The following ZNF385D variants were observed in gnomAD, a reference collection of about 807,000 sequenced individuals.
The protein encoded by ZNF385D is zinc finger protein 659.
Under a neutral mutation model 35.8 loss-of-function variants are expected in ZNF385D, and 15 were observed. The observed-to-expected ratio is 0.42, with a 90% CI of 0.28 to 0.64. ZNF385D has a LOEUF of 0.64. ZNF385D is among the 30% of genes least tolerant of loss of function. The probability of loss-of-function intolerance (pLI) is 0.23; values close to 1 mark genes in which losing one functional copy is unlikely to be tolerated. For missense variants in ZNF385D, 474 were observed against 494.6 expected, an observed-to-expected ratio of 0.96 and a Z score of 0.39; for synonymous variants, 212 against 186.8, an observed-to-expected ratio of 1.13 and a Z score of -1.10.
At chr3:22,340,722 C>T (rs1238473177) in intron 2 of ZNF385D, among the ~76,000 whole-genome samples, 1 of 152,146 alleles carries the variant, frequency 6.6e-6, no homozygotes, top group Non-Finnish European at 1.5e-5. Flanking sequence ...ATAGGACCCA[C>T]CTTCCTAGTG....
At chr3:22,280,639 A>G (rs1396657607) in intron 2 of ZNF385D, among the ~76,000 whole-genome samples, 1 of 151,972 alleles carries the variant, frequency 6.6e-6, no homozygotes, top group Non-Finnish European at 1.5e-5. Context: ...GCCTATTTTT[A>G]TACCAGTACC....
intron 3 of ZNF385D, among the ~76,000 whole-genome samples, chr3:21,871,869 C>T (rs1008870839): frequency 3.3e-5 from 5 of 151,898 alleles, no homozygotes; most frequent in South Asian, 2.1e-4. Context: ...AGCCGACAGG[C>T]GCCTGTAATC....
chr3:22,249,120 A>G (rs989632437), intron 2 of ZNF385D, among the ~76,000 whole-genome samples: 1 of 152,154 alleles, frequency 6.6e-6, no homozygotes, highest in Non-Finnish European at 1.5e-5. Flanking sequence ...CTGAGAGTCC[A>G]GACTCTTGGA....
intron 3 of ZNF385D, among the ~76,000 whole-genome samples, chr3:21,900,217 G>C (rs778139707): frequency 2.0e-5 from 3 of 152,108 alleles, no homozygotes; most frequent in Non-Finnish European, 4.4e-5. Context: ...TTGAATGTTG[G>C]CAATTTAGAG....
intron 3 of ZNF385D, among the ~76,000 whole-genome samples, chr3:22,092,456 C>T (rs1316264557): frequency 6.6e-6 from 1 of 152,142 alleles, no homozygotes. Flanking sequence ...CAGAGTGCTG[C>T]TTGTATGACA....
chr3:21,734,463 A>G (rs763915191), intron 1 of ZNF385D, among the ~76,000 whole-genome samples: 4 of 152,034 alleles, frequency 2.6e-5, no homozygotes, highest in Non-Finnish European at 5.9e-5. Flanking sequence ...ATATGCTCTT[A>G]TATAAGATAT....
chr3:22,101,696 G>A (rs962486161), intron 3 of ZNF385D, among the ~76,000 whole-genome samples: 1 of 144,194 alleles, frequency 6.9e-6, no homozygotes, highest in Non-Finnish European at 1.5e-5. Context: ...TACAAACCTC[G>A]GAAAGGATTC....
At chr3:21,793,302 A>G (rs980089228) in intron 3 of ZNF385D, among the ~76,000 whole-genome samples, 3 of 152,218 alleles carry the variant, frequency 2.0e-5, no homozygotes, top group Admixed American at 6.5e-5. Context: ...ACAGGCTGTG[A>G]TAAGAATCAA....
intron 3 of ZNF385D, among the ~76,000 whole-genome samples, chr3:22,069,167 A>G (rs1477928104): frequency 1.3e-5 from 2 of 152,204 alleles, no homozygotes; most frequent in African/African-American, 4.8e-5. Context: ...ACTTCTCCTT[A>G]TATCTCATTG....
intron 4 of ZNF385D, among the ~76,000 whole-genome samples, chr3:21,505,754 T>G (rs1706727165): frequency 6.6e-6 from 1 of 152,126 alleles, no homozygotes; most frequent in Non-Finnish European, 1.5e-5. Flanking sequence ...GTTTCAGCTT[T>G]TGACTCAAAG....
At chr3:21,706,662 A>G (rs1364963967) in intron 1 of ZNF385D, among the ~76,000 whole-genome samples, 1 of 152,182 alleles carries the variant, frequency 6.6e-6, no homozygotes, top group Non-Finnish European at 1.5e-5. Context: ...TTAGGTAGAA[A>G]AGAGTCAGTT....
chr3:22,043,436 T>C (rs1399081444), intron 3 of ZNF385D, among the ~76,000 whole-genome samples: 2 of 152,192 alleles, frequency 1.3e-5, no homozygotes, highest in Non-Finnish European at 1.5e-5. Context: ...ATTTTAAACA[T>C]GATTCTATTT....
chr3:22,370,352 C>G (rs919417883), intron 2 of ZNF385D, among the ~76,000 whole-genome samples: 1 of 152,124 alleles, frequency 6.6e-6, no homozygotes, highest in Non-Finnish European at 1.5e-5. Context: ...TTTACAATAA[C>G]AGGACTCAAA....
At chr3:21,733,376 C>G (rs1463042240) in intron 1 of ZNF385D, among the ~76,000 whole-genome samples, 1 of 152,094 alleles carries the variant, frequency 6.6e-6, no homozygotes, top group Non-Finnish European at 1.5e-5. Context: ...TCTTTTGCCT[C>G]TCCACAGAAA....
chr3:22,081,010 T>C (rs896847391), intron 3 of ZNF385D, among the ~76,000 whole-genome samples: 4 of 152,220 alleles, frequency 2.6e-5, no homozygotes, highest in African/African-American at 9.6e-5. Flanking sequence ...CATATGTATG[T>C]GTATATATGT....
intron 3 of ZNF385D, among the ~76,000 whole-genome samples, chr3:21,515,201 C>T (rs1256453029): frequency 6.6e-6 from 1 of 152,100 alleles, no homozygotes; most frequent in Non-Finnish European, 1.5e-5. Flanking sequence ...GCACATTTAT[C>T]TTATTTGGCT....
At chr3:21,776,101 AAT>A (rs2071276651) in intron 3 of ZNF385D, among the ~76,000 whole-genome samples, 2 of 151,696 alleles carry the variant, frequency 1.3e-5, no homozygotes, top group African/African-American at 2.4e-5. Flanking sequence ...AATTATGCAA[AAT>A]ATGTTAATTA....
chr3:22,367,524 T>C (rs1016378137), intron 2 of ZNF385D, among the ~76,000 whole-genome samples: 2 of 152,168 alleles, frequency 1.3e-5, no homozygotes, highest in African/African-American at 4.8e-5. Context: ...CCAGGTGATC[T>C]GGATGGCTTT....
intron 2 of ZNF385D, among the ~76,000 whole-genome samples, chr3:22,287,214 G>A (rs1702071076): frequency 6.6e-6 from 1 of 151,756 alleles, no homozygotes; most frequent in African/African-American, 2.4e-5. Context: ...CTTTTCCATT[G>A]CATAGGATAT....
Sources: gnomAD v4.1 joint callset for allele counts (sites outside exome capture counted in the v4.1 genomes callset) on GRCh38, gnomAD v4.1.1 for gene constraint, MANE v1.5 for transcripts, NCBI Gene and HGNC (gene_info 2026-07-23, HGNC 2026-07-21) for gene names.